Variants in UQCC6 observed in about 807,000 individuals in gnomAD.
UQCC6 encodes the protein protein BRAWNIN.
the UQCC6 span, chr12:103,951,757 A>G: frequency 4.5e-5 from 26 of 572,506 alleles, no homozygotes; most frequent in Admixed American, 7.3e-4. Context: ...CTCAATGATA[A>G]CTCTTTATTA....
the UQCC6 span, chr12:103,956,433 T>C: frequency 3.7e-6 from 2 of 545,342 alleles, no homozygotes; most frequent in South Asian, 4.5e-5. Flanking sequence ...CTAGATGCAA[T>C]GGGATGCCAT....
chr12:103,958,822 TTC>T, the UQCC6 span, among the ~76,000 whole-genome samples: 7 of 152,248 alleles, frequency 4.6e-5, no homozygotes, highest in Non-Finnish European at 7.3e-5. Flanking sequence ...CGGTTACAAC[TTC>T]TGTTCTCAGA....
At chr12:103,953,709 A>G in the UQCC6 span, 1 of 643,368 alleles carries the variant, frequency 1.6e-6, no homozygotes, top group African/African-American at 1.8e-5. Flanking sequence ...CCACCCAATC[A>G]AACTGAGGTG....
chr12:103,958,158 G>C, the UQCC6 span, among the ~76,000 whole-genome samples: 2 of 150,040 alleles, frequency 1.3e-5, no homozygotes, highest in Non-Finnish European at 3.0e-5. Context: ...GGAGGTTGCA[G>C]TGAGCTGAGA....
At chr12:103,960,913 C>A in the UQCC6 span, among the ~76,000 whole-genome samples, 1 of 151,898 alleles carries the variant, frequency 6.6e-6, no homozygotes, top group East Asian at 1.9e-4. Flanking sequence ...ATTTACTATA[C>A]TTTTATGGTT....
chr12:103,954,779 G>A, the UQCC6 span: 2 of 565,658 alleles, frequency 3.5e-6, no homozygotes, highest in Admixed American at 3.2e-5. Flanking sequence ...ATAAGAGGGG[G>A]GATTTTCACT....
the UQCC6 span, chr12:103,951,656 A>G: frequency 1.5e-6 from 2 of 1,290,486 alleles, no homozygotes; most frequent in Non-Finnish European, 2.2e-6. Context: ...AACAAAAAAC[A>G]TAAATGTCTA....
At chr12:103,954,758 G>T in the UQCC6 span, 58 of 550,808 alleles carry the variant, frequency 1.1e-4, no homozygotes, top group African/African-American at 9.3e-4. Flanking sequence ...GCAGACAGGA[G>T]AAAGGAGGTT....
chr12:103,963,942 G>C, the UQCC6 span, among the ~76,000 whole-genome samples: 1 of 151,676 alleles, frequency 6.6e-6, no homozygotes, highest in Non-Finnish European at 1.5e-5. Context: ...AGTTTACAAG[G>C]AAGTTCCCAG....
the UQCC6 span, among the ~76,000 whole-genome samples, chr12:103,959,327 G>A: frequency 2.0e-5 from 3 of 152,194 alleles, no homozygotes; most frequent in Admixed American, 6.5e-5. Context: ...GACTGGTATA[G>A]AAGTCTTTCT....
the UQCC6 span, among the ~76,000 whole-genome samples, chr12:103,952,169 A>C: frequency 6.6e-6 from 1 of 152,162 alleles, no homozygotes; most frequent in East Asian, 1.9e-4. Flanking sequence ...CCCCATACTT[A>C]TTAGCAGTCA....
the UQCC6 span, among the ~76,000 whole-genome samples, chr12:103,961,824 T>C: frequency 6.6e-6 from 1 of 152,260 alleles, no homozygotes; most frequent in East Asian, 1.9e-4. Flanking sequence ...CCTCCCAAAG[T>C]GCTGGGATTA....
chr12:103,957,738 AG>A, the UQCC6 span, among the ~76,000 whole-genome samples: 21 of 151,806 alleles, frequency 1.4e-4, no homozygotes, highest in Non-Finnish European at 2.9e-4. Context: ...TTGTTTTTTA[AG>A]TAAAAGGTTA....
the UQCC6 span, among the ~76,000 whole-genome samples, chr12:103,961,629 T>C: frequency 6.6e-6 from 1 of 152,130 alleles, no homozygotes; most frequent in East Asian, 1.9e-4. Flanking sequence ...CAATCTCGGC[T>C]CATTGCAACC....
chr12:103,957,412 T>C, the UQCC6 span: 3 of 152,156 alleles, frequency 2.0e-5, no homozygotes, highest in Admixed American at 2.0e-4. Context: ...ATGTGGAATC[T>C]AAGGCCAGGC....
chr12:103,959,686 T>A, the UQCC6 span, among the ~76,000 whole-genome samples: 7 of 152,052 alleles, frequency 4.6e-5, no homozygotes, highest in East Asian at 1.4e-3. Flanking sequence ...TACTCCAGCC[T>A]GGGTGACAAA....
At chr12:103,958,538 AT>A in the UQCC6 span, among the ~76,000 whole-genome samples, 7 of 152,222 alleles carry the variant, frequency 4.6e-5, no homozygotes, top group Non-Finnish European at 1.0e-4. Flanking sequence ...GGAATGTTAC[AT>A]AAATAGAATT....
chr12:103,954,812 C>A, the UQCC6 span: 1 of 627,788 alleles, frequency 1.6e-6, no homozygotes, highest in South Asian at 1.8e-5. Context: ...TACTTGAACT[C>A]AATTTGAATG....
At chr12:103,951,125 G>A in the UQCC6 span, 1 of 154,284 alleles carries the variant, frequency 6.5e-6, no homozygotes, top group South Asian at 2.0e-4. Flanking sequence ...AGTTAGCAGA[G>A]ATCTAGAATT....
Sources: allele counts gnomAD v4.1 joint callset (sites outside exome capture counted in the v4.1 genomes callset), GRCh38; gene constraint gnomAD v4.1.1; transcripts MANE v1.5; gene names NCBI Gene and HGNC (gene_info 2026-07-23, HGNC 2026-07-21).